ADARB2: variants seen among roughly 807,000 people sequenced by gnomAD.
ADARB2 encodes the protein adenosine deaminase RNA specific B2 (inactive).
ADARB2 carries 25 observed loss-of-function variants against 62.2 expected under a neutral mutation model. The observed-to-expected ratio is 0.40, with a 90% CI of 0.29 to 0.56. The LOEUF is 0.56. ADARB2 is among the 20% of genes least tolerant of loss of function. The pLI, the probability that ADARB2 is intolerant of heterozygous loss-of-function variation, is 0.43. For synonymous variants in ADARB2, 572 were observed against 500.8 expected (o/e 1.14, Z -1.90); for missense variants, 1,071 against 1,077.4 (o/e 0.99, Z 0.08).
intron 1 of ADARB2, among the ~76,000 whole-genome samples, chr10:1,395,583 G>T (rs1832604958): frequency 6.6e-6 from 1 of 152,214 alleles, no homozygotes; most frequent in African/African-American, 2.4e-5. Context: ...GGCCCAGGCT[G>T]CCTCCTCGGC....
chr10:1,267,319 G>A (rs1466431856), intron 4 of ADARB2, among the ~76,000 whole-genome samples: 2 of 152,166 alleles, frequency 1.3e-5, no homozygotes, highest in Non-Finnish European at 2.9e-5. Flanking sequence ...CGGATGACAA[G>A]CAAATCAAGG....
At chr10:1,350,842 G>T (rs574133677) in intron 3 of ADARB2, among the ~76,000 whole-genome samples, 9 of 152,104 alleles carry the variant, frequency 5.9e-5, no homozygotes, top group Middle Eastern at 3.4e-3. Context: ...TGTACACCTC[G>T]CCTTCAAGGT....
intron 1 of ADARB2, among the ~76,000 whole-genome samples, chr10:1,615,655 T>A (rs371798179): frequency 5.3e-5 from 8 of 152,226 alleles, no homozygotes; most frequent in Admixed American, 2.6e-4. Context: ...GACTTGGGTA[T>A]GCTGGATTTG....
chr10:1,661,535 T>A (rs1246349051), intron 1 of ADARB2, among the ~76,000 whole-genome samples: 1 of 152,164 alleles, frequency 6.6e-6, no homozygotes, highest in Non-Finnish European at 1.5e-5. Context: ...CAGCTAGGGT[T>A]GGGGGAGGGC....
intron 3 of ADARB2, among the ~76,000 whole-genome samples, chr10:1,332,489 T>G (rs1442399787): frequency 6.6e-6 from 1 of 151,382 alleles, no homozygotes; most frequent in Non-Finnish European, 1.5e-5. Context: ...TTGTTTTTTT[T>G]TTTTTTGCCA....
At chr10:1,561,794 T>C (rs1832789117) in intron 1 of ADARB2, among the ~76,000 whole-genome samples, 1 of 152,114 alleles carries the variant, frequency 6.6e-6, no homozygotes, top group East Asian at 1.9e-4. Context: ...CTCAGGATCC[T>C]CCCGATGTGG....
chr10:1,325,646 C>G (rs779438410), intron 3 of ADARB2, among the ~76,000 whole-genome samples: 3 of 152,210 alleles, frequency 2.0e-5, no homozygotes, highest in Non-Finnish European at 4.4e-5. Context: ...TCCAGCTCCG[C>G]CTTCCTCCTC....
intron 1 of ADARB2, among the ~76,000 whole-genome samples, chr10:1,490,044 G>T (rs1039821367): frequency 1.2e-4 from 18 of 152,294 alleles, no homozygotes; most frequent in Middle Eastern, 3.4e-3. Context: ...AGAAGCACAC[G>T]TTAGCTGTCA....
At chr10:1,220,485 T>C (rs1201881312) in intron 6 of ADARB2, among the ~76,000 whole-genome samples, 2 of 152,120 alleles carry the variant, frequency 1.3e-5, no homozygotes, top group African/African-American at 4.8e-5. Flanking sequence ...AAACACTTGG[T>C]TTAAACTGAC....
intron 1 of ADARB2, chr10:1,526,817 C>A (rs752163194): frequency 1.4e-5 from 7 of 517,638 alleles, no homozygotes; most frequent in African/African-American, 7.8e-5. Context: ...CCCTGACTCA[C>A]GCACTTGGTG....
At chr10:1,300,128 G>C (rs561411778) in intron 3 of ADARB2, among the ~76,000 whole-genome samples, 1 of 152,176 alleles carries the variant, frequency 6.6e-6, no homozygotes, top group South Asian at 2.1e-4. Context: ...TCCCTGTTTT[G>C]GTGCTTTTGG....
intron 1 of ADARB2, among the ~76,000 whole-genome samples, chr10:1,403,641 G>A (rs1270195900): frequency 6.6e-6 from 1 of 152,130 alleles, no homozygotes; most frequent in African/African-American, 2.4e-5. Flanking sequence ...CTGAGGGAGG[G>A]CACCGTGGCC....
At chr10:1,258,046 C>G (rs945321614) in intron 4 of ADARB2, among the ~76,000 whole-genome samples, 1 of 152,166 alleles carries the variant, frequency 6.6e-6, no homozygotes, top group Admixed American at 6.5e-5. Context: ...ATGATTAACT[C>G]CTGCTCACAG....
At chr10:1,406,410 G>A (rs193138074) in intron 1 of ADARB2, among the ~76,000 whole-genome samples, 7 of 152,154 alleles carry the variant, frequency 4.6e-5, no homozygotes, top group Admixed American at 4.6e-4. Flanking sequence ...AGGAGAGAGT[G>A]GCCTGGGGGA....
At chr10:1,423,825 A>G (rs539608372) in intron 1 of ADARB2, among the ~76,000 whole-genome samples, 2 of 151,852 alleles carry the variant, frequency 1.3e-5, no homozygotes, top group Non-Finnish European at 2.9e-5. Context: ...TGTATACAGT[A>G]AATCCACTAC....
chr10:1,577,009 C>T (rs1393983596), intron 1 of ADARB2, among the ~76,000 whole-genome samples: 1 of 152,138 alleles, frequency 6.6e-6, no homozygotes, highest in African/African-American at 2.4e-5. Flanking sequence ...TCAGCAGGTG[C>T]AGTGGTTGCT....
chr10:1,630,489 A>G (rs1295320142), intron 1 of ADARB2, among the ~76,000 whole-genome samples: 1 of 152,112 alleles, frequency 6.6e-6, no homozygotes, highest in African/African-American at 2.4e-5. Flanking sequence ...AGAAGCCACG[A>G]GTCATTTACA....
intron 3 of ADARB2, among the ~76,000 whole-genome samples, chr10:1,306,398 G>T (rs1235198965): frequency 1.3e-5 from 2 of 151,564 alleles, no homozygotes; most frequent in Non-Finnish European, 3.0e-5. Flanking sequence ...CACTGCTCAA[G>T]GAAATGAAAG....
chr10:1,248,268 A>C (rs1831005458), intron 4 of ADARB2, among the ~76,000 whole-genome samples: 1 of 147,350 alleles, frequency 6.8e-6, no homozygotes, highest in Admixed American at 6.8e-5. Context: ...AAGACTTAGG[A>C]AGTCCTCCTG....
Sources: allele counts gnomAD v4.1 joint callset (sites outside exome capture counted in the v4.1 genomes callset), GRCh38; gene constraint gnomAD v4.1.1; transcripts MANE v1.5; gene names NCBI Gene and HGNC (gene_info 2026-07-23, HGNC 2026-07-21).